Variants in ANKS1B observed in about 807,000 individuals in gnomAD.
ANKS1B encodes the protein ankyrin repeat and sterile alpha motif domain-containing protein 1B.
Under a neutral mutation model 148.3 loss-of-function variants are expected in ANKS1B, and 36 were observed. The observed-to-expected ratio is 0.24, with a 90% CI of 0.19 to 0.32. The LOEUF is 0.32. ANKS1B is among the 10% of genes least tolerant of loss of function. ANKS1B has a pLI of 1.00. For synonymous variants in ANKS1B, 542 were observed against 560.8 expected (o/e 0.97, Z 0.47); for missense variants, 1,157 against 1,542.6 (o/e 0.75, Z 4.19).
At chr12:99,672,423 C>T (rs910909146) in intron 8 of ANKS1B, among the ~76,000 whole-genome samples, 1 of 152,124 alleles carries the variant, frequency 6.6e-6, no homozygotes, top group African/African-American at 2.4e-5. Context: ...AACAGAACTA[C>T]TCCAAACATA....
chr12:99,340,085 T>C (rs1281871630), intron 12 of ANKS1B, among the ~76,000 whole-genome samples: 1 of 152,204 alleles, frequency 6.6e-6, no homozygotes, highest in African/African-American at 2.4e-5. Context: ...TTATTTTTAA[T>C]TTTATTTTTG....
At position 99,616,821 on chromosome 12, in the gene ANKS1B, C is replaced by T. The variant is rs187685881; in HGVS notation, c.1272+38246G>A. Among the ~76,000 whole-genome samples the T allele has an allele frequency of 1.5e-3, 231 of 152,146 alleles. 1 individual carries two copies. Among genetic ancestry groups the T allele is most frequent in the Non-Finnish European group, 1.7e-3 (116 of 68,006 alleles). The stretch of plus-strand genomic sequence containing the variant: ...CTAATTAAACTAAAGAGCTTCTGCA[C>T]AGCAAAAGAAGCTATCATCGGAGTG... On this transcript the variant is annotated intron_variant, in intron 9 of 26. Transcript: ENST00000683438.
chr12:99,664,698 T>C (rs940089872), intron 8 of ANKS1B, among the ~76,000 whole-genome samples: 1 of 152,196 alleles, frequency 6.6e-6, no homozygotes, highest in Non-Finnish European at 1.5e-5. Context: ...CTTGAATCCC[T>C]TTCCTATCAA....
chr12:99,460,213 C>T (rs531531445), intron 10 of ANKS1B, among the ~76,000 whole-genome samples: 51 of 151,836 alleles, frequency 3.4e-4, no homozygotes, highest in African/African-American at 1.1e-3. Flanking sequence ...TGGCAAGCCA[C>T]GTAAAAGAAT....
At chr12:99,056,700 C>T (rs1429760430) in intron 16 of ANKS1B, among the ~76,000 whole-genome samples, 2 of 152,152 alleles carry the variant, frequency 1.3e-5, no homozygotes, top group African/African-American at 2.4e-5. Flanking sequence ...CTAAACAGTA[C>T]ATTAAATCGC....
chr12:99,459,895 A>G (rs1003338312), intron 10 of ANKS1B, among the ~76,000 whole-genome samples: 2 of 152,100 alleles, frequency 1.3e-5, no homozygotes, highest in African/African-American at 4.8e-5. Flanking sequence ...TCACAGAACT[A>G]GAAAAAACAA....
intron 17 of ANKS1B, among the ~76,000 whole-genome samples, chr12:98,971,873 T>G (rs2099883414): frequency 6.6e-6 from 1 of 152,014 alleles, no homozygotes; most frequent in Admixed American, 6.6e-5. Context: ...CTTTGGAAAT[T>G]TCACAGTAGT....
intron 10 of ANKS1B, among the ~76,000 whole-genome samples, chr12:99,461,750 G>C (rs1301092132): frequency 6.6e-6 from 1 of 152,146 alleles, no homozygotes; most frequent in Non-Finnish European, 1.5e-5. Flanking sequence ...AATCTCTTGA[G>C]CCTGAGTGTT....
At chr12:99,217,664 C>T (rs1034821750) in intron 14 of ANKS1B, among the ~76,000 whole-genome samples, 1 of 151,650 alleles carries the variant, frequency 6.6e-6, no homozygotes, top group African/African-American at 2.4e-5. Context: ...TTTTTTTTGG[C>T]CCCAGAAAAT....
chr12:98,978,476 C>T (rs1460185098), intron 17 of ANKS1B, among the ~76,000 whole-genome samples: 2 of 151,988 alleles, frequency 1.3e-5, no homozygotes, highest in Non-Finnish European at 2.9e-5. Context: ...TGATTATGTG[C>T]AAACTGTGTG....
chr12:99,542,531 T>C (rs2097136198), intron 9 of ANKS1B, among the ~76,000 whole-genome samples: 2 of 152,036 alleles, frequency 1.3e-5, no homozygotes, highest in Admixed American at 6.6e-5. Flanking sequence ...AAAAAATCCG[T>C]GGTGCTTTTT....
chr12:98,804,847 T>C (rs1196033696), intron 20 of ANKS1B, among the ~76,000 whole-genome samples: 1 of 152,212 alleles, frequency 6.6e-6, no homozygotes, highest in African/African-American at 2.4e-5. Context: ...TTGCATCTCC[T>C]CAGGCAAATA....
chr12:99,863,761 C>T lies in ANKS1B; in HGVS notation c.135-38372G>A, dbSNP rs369779532. Among the ~76,000 whole-genome samples the T allele has an allele frequency of 1.1e-4, 17 of 151,548 alleles. No homozygotes were observed. In the South Asian group the frequency reaches 2.5e-3, roughly 22 times the overall value. On this transcript the variant is annotated intron_variant, in intron 1 of 26. Transcript: ENST00000683438. ...CTTGCCAAATTATATAGCCTAATAG[C>T]AAAATATTTGTCAAAAGTCGATCCC... is the stretch of plus-strand genomic sequence containing the variant.
At chr12:99,012,061 T>G (rs2099939761) in intron 17 of ANKS1B, among the ~76,000 whole-genome samples, 1 of 152,204 alleles carries the variant, frequency 6.6e-6, no homozygotes, top group Non-Finnish European at 1.5e-5. Context: ...GTCTGTTTTG[T>G]ACATCTTACC....
intron 10 of ANKS1B, among the ~76,000 whole-genome samples, chr12:99,458,969 T>A (rs2095896258): frequency 6.6e-6 from 1 of 151,948 alleles, no homozygotes; most frequent in African/African-American, 2.4e-5. Context: ...AAAAGAAAAC[T>A]ACAGACCAAT....
chr12:99,610,651 G>C (rs569364047), intron 9 of ANKS1B, among the ~76,000 whole-genome samples: 1 of 151,990 alleles, frequency 6.6e-6, no homozygotes, highest in Non-Finnish European at 1.5e-5. Context: ...CAAAGTATTC[G>C]CTTCAGTCCA....
At chr12:99,088,157 A>G (rs2052609740) in intron 15 of ANKS1B, among the ~76,000 whole-genome samples, 1 of 152,220 alleles carries the variant, frequency 6.6e-6, no homozygotes, top group Non-Finnish European at 1.5e-5. Context: ...GAAAGGATTT[A>G]CTGTCCCCAG....
Position 99,806,468 on chromosome 12 carries a change from G to C in ANKS1B, c.605C>G (p.Ala202Gly). Residue 202 changes from alanine (A) to glycine (G), a missense_variant, in exon 4 of 27, where the codon GCG (alanine) becomes GGG (glycine). Physicochemically the swap from Ala to Gly is moderately conservative, Grantham distance 60. This residue lies in a region of ANKS1B where 26 missense variants were observed against 83.4 expected (regional missense o/e 0.31). Coordinates refer to ENST00000683438, the MANE Select transcript of ANKS1B (RefSeq NM_001352186.2). ...CACGACTGCTTTGTGGCCATTGCGC[G>C]CAGCAAGGTGAAGTGGCGTGTGCTT... is the stretch of plus-strand genomic sequence containing the variant. ...TRKHTPLHLA[A>G]RNGHKAVVQV... 1 of 1,613,946 alleles carries C rather than the reference G, an allele frequency of 6.2e-7. No individual in the cohort carries two copies. Among genetic ancestry groups the C allele is most frequent in the Non-Finnish European group, 8.5e-7 (1 of 1,179,868 alleles).
intron 12 of ANKS1B, among the ~76,000 whole-genome samples, chr12:99,368,699 G>A (rs1376560476): frequency 6.6e-6 from 1 of 151,918 alleles, no homozygotes; most frequent in Admixed American, 6.6e-5. Flanking sequence ...TTTTACAGTG[G>A]TTGAGAAAAG....
Sources: allele counts gnomAD v4.1 joint callset (sites outside exome capture counted in the v4.1 genomes callset), GRCh38; gene constraint gnomAD v4.1.1; regional missense constraint gnomAD v4.1.1; transcripts MANE v1.5; gene names NCBI Gene and HGNC (gene_info 2026-07-23, HGNC 2026-07-21).